CADM4: variants seen among roughly 807,000 people sequenced by gnomAD.
The protein encoded by CADM4 is cell adhesion molecule 4.
A neutral mutation model predicts 43.9 loss-of-function variants in CADM4; 13 were observed. The observed-to-expected ratio is 0.30, with a 90% CI of 0.19 to 0.47. The LOEUF is 0.47. CADM4 is among the 20% of genes least tolerant of loss of function. The probability of loss-of-function intolerance (pLI) is 1.00; values close to 1 mark genes in which losing one functional copy is unlikely to be tolerated. For synonymous variants in CADM4, 209 were observed against 220.9 expected (o/e 0.95, Z 0.48); for missense variants, 420 against 527.0 (o/e 0.80, Z 1.99).
rs1252355562 is a variant in CADM4 at position 43,623,627 on chromosome 19, A to G, written c.1058-188T>C. Among the ~76,000 whole-genome samples, 1 of 152,214 alleles carries G rather than the reference A, an allele frequency of 6.6e-6. No homozygotes were observed. Among genetic ancestry groups the G allele is most frequent in the Non-Finnish European group, 1.5e-5 (1 of 68,030 alleles). ...CAGAGAAAGAGGTAAAAGCAGAATTAGGAAGACTCCAAAAGCTCACCGAAA... is the reference window on the plus strand; with the variant it reads ...CAGAGAAAGAGGTAAAAGCAGAATTGGGAAGACTCCAAAAGCTCACCGAAA... On this transcript the variant is annotated intron_variant, in intron 8 of 8. Coordinates refer to ENST00000222374, the MANE Select transcript of CADM4 (RefSeq NM_145296.2). The surrounding 1 kb of genome is among the most constrained non-coding windows in gnomAD (Gnocchi z 4.4).
rs975687571 is a variant in CADM4, at chr19:43,625,406, T to G, written c.756-156A>C. Among the ~76,000 whole-genome samples the G allele has an allele frequency of 2.0e-5, 3 of 152,122 alleles. No individual in the cohort carries two copies. Among genetic ancestry groups the G allele is most frequent in the Non-Finnish European group, 2.9e-5 (2 of 68,020 alleles). ...TTCCTTTCTGGAAAACCAACAGTCC[T>G]GGGCCTACTTCCACCCATCACCAAG... On this transcript the variant is annotated intron_variant, in intron 6 of 8. Transcript: ENST00000222374. This position sits in a 1 kb window ranked among gnomAD's most constrained non-coding sequence, Gnocchi z 4.5.
upstream of CADM4, among the ~76,000 whole-genome samples, chr19:43,640,839 A>G (rs1382742009): frequency 6.6e-6 from 1 of 152,108 alleles, no homozygotes; most frequent in Non-Finnish European, 1.5e-5. Context: ...TGTAGACCTG[A>G]TGCGGGATCA....
intron 1 of CADM4, among the ~76,000 whole-genome samples, chr19:43,629,779 G>A (rs532079434): frequency 2.8e-4 from 43 of 151,636 alleles, no homozygotes; most frequent in African/African-American, 4.1e-4. Flanking sequence ...CCACCATGCC[G>A]GGCTAATTTT....
chr19:43,625,613 C>T lies in CADM4; in HGVS notation c.755+298G>A, dbSNP rs557800908. On this transcript the variant is annotated intron_variant, in intron 6 of 8. Coordinates refer to ENST00000222374, the MANE Select transcript of CADM4 (RefSeq NM_145296.2). The surrounding 1 kb of genome is among the most constrained non-coding windows in gnomAD (Gnocchi z 4.5). ...AATAATAATAATAATTCTAGCCCTC[C>T]CACGCCATTCCATCCTCAGCAACCA... is the stretch of plus-strand genomic sequence containing the variant. Among the ~76,000 whole-genome samples, 1 of 152,158 alleles carries T rather than the reference C, an allele frequency of 6.6e-6. No individual in the cohort carries two copies. Among genetic ancestry groups the T allele is most frequent in the South Asian group, 2.1e-4 (1 of 4,812 alleles).
rs796143293 is a variant in CADM4, at chr19:43,624,320, G to A, written c.929-78C>T. On this transcript the variant is annotated intron_variant, in intron 7 of 8. Coordinates refer to ENST00000222374, the MANE Select transcript of CADM4 (RefSeq NM_145296.2). Reference sequence around the variant, plus strand: ...GGCCCCATCGCTGCCAAGCTTTTAAGCCATTCTGCACACGTCTAACCGTGC... The same window carrying A: ...GGCCCCATCGCTGCCAAGCTTTTAAACCATTCTGCACACGTCTAACCGTGC... 17 of 1,594,214 alleles carry A rather than the reference G, an allele frequency of 1.1e-5. No homozygotes were observed. The South Asian group carries it at 1.7e-4, about 16-fold the overall frequency.
At position 43,625,236 on chromosome 19, in the gene CADM4, C is replaced by T. The variant is rs1428957221; in HGVS notation, c.770G>A (p.Arg257His). ...VTGNPRPNQI[R>H]WNRGNESLPE... ...CAAAGACTCATTCCCGCGGTTCCAG[C>T]GGATCTGGTTTGGCCTGGGTGGGGA... Residue 257 changes from arginine (R) to histidine (H), a missense_variant, in exon 7 of 9, where the codon CGC becomes CAC. Transcript: ENST00000222374. This position sits in a 1 kb window ranked among gnomAD's most constrained non-coding sequence, Gnocchi z 4.5. The T allele has an allele frequency of 2.5e-6, 4 of 1,613,964 alleles. No homozygotes were observed. Among genetic ancestry groups the T allele is most frequent in the Admixed American group, 1.7e-5 (1 of 59,990 alleles).
chr19:43,637,394 C>T (rs1973718100), intron 1 of CADM4, among the ~76,000 whole-genome samples: 1 of 152,086 alleles, frequency 6.6e-6, no homozygotes, highest in Non-Finnish European at 1.5e-5. Context: ...CCACATGCTA[C>T]AGCCTCCTAC....
In CADM4 at chr19:43,623,112, C is replaced by T; in HGVS notation, c.*218G>A. 4 of 556,248 alleles carry T rather than the reference C, an allele frequency of 7.2e-6. No homozygotes were observed. Among genetic ancestry groups the T allele is most frequent in the South Asian group, 6.3e-5 (3 of 47,630 alleles). 34.5% of individuals were successfully genotyped at this position (556,248 alleles called of 1,614,324 possible). A position where few individuals can be genotyped will look rare whatever the true frequency, so the allele number is the denominator to read the frequency against. ...GGGGGGTCTGGACCTTTGGCCCCTG[C>T]CCCCTGGGGGACCCAGACCTCTGGG... On this transcript the variant is annotated 3_prime_UTR_variant, in exon 9 of 9. Coordinates refer to ENST00000222374, the MANE Select transcript of CADM4 (RefSeq NM_145296.2). The surrounding 1 kb of genome is among the most constrained non-coding windows in gnomAD (Gnocchi z 4.4).
chr19:43,627,011 C>G lies in CADM4; in HGVS notation c.365-93G>C. 26 of 1,481,678 alleles carry G rather than the reference C, an allele frequency of 1.8e-5. No homozygotes were observed. Among genetic ancestry groups the G allele is most frequent in the Non-Finnish European group, 2.3e-5 (26 of 1,111,590 alleles). 91.8% of individuals were successfully genotyped at this position (1,481,678 alleles called of 1,614,324 possible). A position where few individuals can be genotyped will look rare whatever the true frequency, so the allele number is the denominator to read the frequency against. The stretch of plus-strand genomic sequence containing the variant: ...GCCTGTTCCCAGCGACCATAGGGAA[C>G]CAGGGTCCCAGGTGGCAGGGGTCAA... On this transcript the variant is annotated intron_variant, in intron 3 of 8. Transcript: ENST00000222374. This position sits in a 1 kb window ranked among gnomAD's most constrained non-coding sequence, Gnocchi z 4.0.
At position 43,625,775 on chromosome 19, in the gene CADM4, C is replaced by T; in HGVS notation, c.755+136G>A. 2.9e-6 allele frequency: 2 copies of T among 694,618 alleles called. No individual in the cohort carries two copies. Among genetic ancestry groups the T allele is most frequent in the Non-Finnish European group, 4.9e-6 (2 of 410,736 alleles). The allele number at this position is 694,618 out of a possible 1,614,324, so 43.0% of individuals were successfully genotyped here. ...TCTCTCCTCCTCAGGACCCAGGAAT[C>T]CAGGTCCTAGCTCCCTGTTTGTCCA... On this transcript the variant is annotated intron_variant, in intron 6 of 8. Coordinates refer to ENST00000222374, the MANE Select transcript of CADM4 (RefSeq NM_145296.2). This position sits in a 1 kb window ranked among gnomAD's most constrained non-coding sequence, Gnocchi z 4.5.
At chr19:43,624,330 A>G (rs1172730256) in intron 7 of CADM4, 88 bp from the exon 8 acceptor site, 1 of 1,562,294 alleles carries the variant, frequency 6.4e-7, no homozygotes, top group Non-Finnish European at 8.8e-7. Context: ...GCCATTCTGC[A>G]CACGTCTAAC....
chr19:43,624,353 T>C, intron 7 of CADM4, 111 bp from the exon 8 acceptor site: 6 of 1,364,000 alleles, frequency 4.4e-6, no homozygotes, highest in Non-Finnish European at 6.0e-6. Flanking sequence ...TGCCCTTTTA[T>C]GTGCCACACC....
At chr19:43,624,048 T>G in intron 8 of CADM4, 66 bp downstream of exon 8, 1 of 1,590,476 alleles carries the variant, frequency 6.3e-7, no homozygotes, top group Non-Finnish European at 8.6e-7. Flanking sequence ...ACCCTGGCTC[T>G]AGGCCCCGCC....
At position 43,626,275 on chromosome 19, in the gene CADM4, G is replaced by A; in HGVS notation, c.513C>T (p.Ser171=). 1 of 1,611,302 alleles carries A rather than the reference G, an allele frequency of 6.2e-7. No individual in the cohort carries two copies. The highest frequency in any genetic ancestry group is 8.5e-7 in the Non-Finnish European group (1 of 1,179,938). The change falls in exon 5 of 9, where the codon AGC becomes AGT. Residue 171 remains serine, a synonymous_variant. Coordinates refer to ENST00000222374, the MANE Select transcript of CADM4 (RefSeq NM_145296.2). The surrounding 1 kb of genome is among the most constrained non-coding windows in gnomAD (Gnocchi z 5.9). ...DRKELKGVSS[S]QENGKVWSVA... is the part of the protein sequence containing the mutation. ...CGCTCCAGACCTTGCCATTTTCCTGGCTGCTGCTCACTCCTGCCACACCCC... is the reference window on the plus strand; with the variant it reads ...CGCTCCAGACCTTGCCATTTTCCTGACTGCTGCTCACTCCTGCCACACCCC...
At position 43,630,281 on chromosome 19, in the gene CADM4, C is replaced by CTTTTTTTTT. The variant is rs59489315; in HGVS notation, c.65-2500_65-2492dup. Among the ~76,000 whole-genome samples, 21 of 73,428 alleles carry CTTTTTTTTT rather than the reference C, an allele frequency of 2.9e-4. 1 individual carries two copies. The highest frequency in any genetic ancestry group is 4.6e-4 in the South Asian group (1 of 2,190). 48.2% of individuals were successfully genotyped at this position (73,428 alleles called of 152,430 possible). A position where few individuals can be genotyped will look rare whatever the true frequency, so the allele number is the denominator to read the frequency against. On this transcript the variant is annotated intron_variant, in intron 1 of 8. Coordinates refer to ENST00000222374, the MANE Select transcript of CADM4 (RefSeq NM_145296.2). ...TTTCCCCCATTTCCATTTTTCTTTT[C>CTTTTTTTTT]TTTTTTTTTTTTTTTTTTTTTTGAG...
intron 1 of CADM4, among the ~76,000 whole-genome samples, chr19:43,630,844 A>C (rs1163661222): frequency 1.3e-5 from 2 of 152,196 alleles, no homozygotes; most frequent in African/African-American, 4.8e-5. Flanking sequence ...TGAAGCAGGA[A>C]TATGCCATGA....
Position 43,626,345 on chromosome 19 carries a change from CA to C in CADM4, c.500-58del. 6.3e-7 allele frequency: 1 copy of C among 1,584,648 alleles called. No individual in the cohort carries two copies. The highest frequency in any genetic ancestry group is 8.6e-7 in the Non-Finnish European group (1 of 1,166,676). ...ACAATTCCGGCTCCATCCACCCACC[CA>C]CCCGAGCCAACGCCAAAGCAGGCTA... On this transcript the variant is annotated intron_variant, in intron 4 of 8. Transcript: ENST00000222374. The surrounding 1 kb of genome is among the most constrained non-coding windows in gnomAD (Gnocchi z 5.9).
rs1973747954 is a variant in CADM4, at chr19:43,639,688, GCCCCAGCCCGGCCGGCCGA to G, written c.64+20_64+38del. On this transcript the variant is annotated intron_variant, in intron 1 of 8. Transcript: ENST00000222374. The stretch of plus-strand genomic sequence containing the variant: ...GGGCTGTCACCACAGCGCGCCCCCC[GCCCCAGCCCGGCCGGCCGA>G]CCCCGGCCCCCGACCCTACCTGGCC... 1.4e-6 allele frequency: 1 copy of G among 732,652 alleles called. No individual in the cohort carries two copies. Among genetic ancestry groups the G allele is most frequent in the African/African-American group, 2.0e-5 (1 of 50,144 alleles). The allele number at this position is 732,652 out of a possible 1,614,324, so 45.4% of individuals were successfully genotyped here.
chr19:43,639,208 G>A (rs1327051241), intron 1 of CADM4, among the ~76,000 whole-genome samples: 1 of 151,590 alleles, frequency 6.6e-6, no homozygotes, highest in Non-Finnish European at 1.5e-5. Context: ...TGATGGAGGG[G>A]ACAGAGTGAC....
Sources: gnomAD v4.1 joint callset for allele counts (sites outside exome capture counted in the v4.1 genomes callset) on GRCh38, gnomAD v4.1.1 for gene constraint, Gnocchi (gnomAD v3.1) non-coding constraint, MANE v1.5 for transcripts, NCBI Gene and HGNC (gene_info 2026-07-23, HGNC 2026-07-21) for gene names.